Variants in CNPY1 observed in about 807,000 individuals in gnomAD.
The protein encoded by CNPY1 is protein canopy homolog 1.
CNPY1 carries 14 observed loss-of-function variants against 14.4 expected under a neutral mutation model. That is an observed-to-expected ratio of 0.97 (90% CI 0.64 to 1.52). The LOEUF (loss-of-function observed/expected upper bound fraction) is 1.52. CNPY1 is among the 40% of genes most tolerant of loss of function. The pLI is 0.00. For missense variants in CNPY1, 129 were observed against 131.5 expected, an observed-to-expected ratio of 0.98 and a Z score of 0.09; for synonymous variants, 43 against 46.5, an observed-to-expected ratio of 0.92 and a Z score of 0.31.
In CNPY1 at chr7:155,501,228, C is replaced by G. The variant is rs1487189535; in HGVS notation, c.*1840G>C. ...AGATAGTCACTGTAAGTCAAGGTTC[C>G]TCGCCCTCTCCATTCAAAGCAAAGC... On this transcript the variant is annotated 3_prime_UTR_variant, in exon 5 of 5. Transcript: ENST00000636446. 1 of 152,128 alleles carries G rather than the reference C, an allele frequency of 6.6e-6. No individual in the cohort carries two copies. The highest frequency in any genetic ancestry group is 1.5e-5 in the Non-Finnish European group (1 of 68,016). 9.4% of individuals were successfully genotyped at this position (152,128 alleles called of 1,614,324 possible). A position where few individuals can be genotyped will look rare whatever the true frequency, so the allele number is the denominator to read the frequency against.
At chr7:155,537,398 G>A (rs1797035881) in intron 2 of CNPY1, among the ~76,000 whole-genome samples, 2 of 151,794 alleles carry the variant, frequency 1.3e-5, no homozygotes, top group South Asian at 4.2e-4. Flanking sequence ...CCACATCACA[G>A]CTTTCTGTGG....
chr7:155,506,793 A>G (rs1386927258), intron 4 of CNPY1: 1 of 499,150 alleles, frequency 2.0e-6, no homozygotes, highest in Non-Finnish European at 3.5e-6. Context: ...CACTTAATAT[A>G]TAGAGGAAAG....
chr7:155,536,061 T>A lies in CNPY1; in HGVS notation c.99+9770A>T, dbSNP rs568786855. 5.1e-4 allele frequency among the ~76,000 whole-genome samples: 77 copies of A among 152,308 alleles called. No individual in the cohort carries two copies. Among genetic ancestry groups the A allele is most frequent in the African/African-American group, 1.8e-3 (74 of 41,584 alleles). ...TGGTGCAAGGTTTGGCTGTAGGTAG[T>A]AAACCCTCCGGGATGATATTCTGGG... On this transcript the variant is annotated intron_variant, in intron 2 of 4. Transcript: ENST00000636446. The surrounding 1 kb of genome is among the most constrained non-coding windows in gnomAD (Gnocchi z 4.1).
chr7:155,515,315 G>A (rs1425843669), intron 2 of CNPY1, among the ~76,000 whole-genome samples: 1 of 100,366 alleles, frequency 1.0e-5, no homozygotes, highest in Non-Finnish European at 2.1e-5. Flanking sequence ...CCCCGGCCCC[G>A]GCCAGGAACT....
intron 2 of CNPY1, among the ~76,000 whole-genome samples, chr7:155,539,375 T>G (rs1166834728): frequency 6.6e-6 from 1 of 152,222 alleles, no homozygotes; most frequent in Non-Finnish European, 1.5e-5. Context: ...TACTCTGATA[T>G]TTAATATATA....
At chr7:155,506,687 C>CCT (rs113821181) in intron 4 of CNPY1, 39,820 of 239,130 alleles carry the variant, frequency 0.17, 4,291 homozygotes, top group African/African-American at 0.34. Flanking sequence ...ATGGAAAAAT[C>CCT]CTCTCTCTCA....
chr7:155,527,306 G>A (rs1162568806), intron 2 of CNPY1, among the ~76,000 whole-genome samples: 4 of 151,806 alleles, frequency 2.6e-5, no homozygotes, highest in African/African-American at 9.7e-5. Flanking sequence ...TGGTGTCTGA[G>A]CGACTGCAGT....
intron 2 of CNPY1, among the ~76,000 whole-genome samples, chr7:155,535,054 G>A (rs1797007595): frequency 6.6e-6 from 1 of 152,210 alleles, no homozygotes; most frequent in Non-Finnish European, 1.5e-5. Flanking sequence ...GTGTTCAGCA[G>A]AAAAGGCAGC....
At chr7:155,529,441 G>T (rs1796896491) in intron 2 of CNPY1, among the ~76,000 whole-genome samples, 1 of 152,134 alleles carries the variant, frequency 6.6e-6, no homozygotes, top group Non-Finnish European at 1.5e-5. Context: ...TCACAGCTCT[G>T]GAGACCAGGA....
At chr7:155,527,054 C>CTTTCTTTCTTTCTTTTTTTTTTT (rs56296833) in intron 2 of CNPY1, among the ~76,000 whole-genome samples, 3 of 90,344 alleles carry the variant, frequency 3.3e-5, no homozygotes, top group South Asian at 4.3e-4. Flanking sequence ...TTCTTTCTTT[C>CTTTCTTTCTTTCTTTTTTTTTTT]TTTTTTTTTT....
chr7:155,512,091 A>G (rs967105423), intron 2 of CNPY1, among the ~76,000 whole-genome samples: 3 of 152,298 alleles, frequency 2.0e-5, no homozygotes, highest in African/African-American at 4.8e-5. Flanking sequence ...AAGATTTTGA[A>G]TAGTACTTGT....
chr7:155,542,127 A>AC (rs763651656), intron 2 of CNPY1, among the ~76,000 whole-genome samples: 7 of 151,258 alleles, frequency 4.6e-5, no homozygotes, highest in Non-Finnish European at 7.4e-5. Flanking sequence ...AGTATTCACA[A>AC]CCCCTGCTGT....
chr7:155,507,497 A>G (rs1009226711), intron 3 of CNPY1, among the ~76,000 whole-genome samples: 11 of 147,396 alleles, frequency 7.5e-5, no homozygotes, highest in East Asian at 2.0e-4. Flanking sequence ...AAAAAAAAAA[A>G]AAGAAGACCA....
In CNPY1 at chr7:155,522,106, C is replaced by A. The variant is rs75614717; in HGVS notation, c.100-13009G>T. Among the ~76,000 whole-genome samples, 1,313 of 152,388 alleles carry A rather than the reference C, an allele frequency of 8.6e-3. 25 individuals carry two copies. The highest frequency in any genetic ancestry group is 0.03 in the African/African-American group (1,259 of 41,592). ...ATCCACACACACAGCTGCGGCACCA[C>A]GTGGAGAGTCGGGCTGTGCTCACCC... is the stretch of plus-strand genomic sequence containing the variant. On this transcript the variant is annotated intron_variant, in intron 2 of 4. Coordinates refer to ENST00000636446, the MANE Select transcript of CNPY1 (RefSeq NM_001393663.1).
chr7:155,509,095 G>A lies in CNPY1; in HGVS notation c.102C>T (p.Ile34=), dbSNP rs893879922. The A allele has an allele frequency of 1.9e-6, 3 of 1,538,776 alleles. No homozygotes were observed. The highest frequency in any genetic ancestry group is 1.7e-4 in the Middle Eastern group (1 of 5,786). Reference sequence around the variant, plus strand: ...GGAACGCCTCCGACTGAGCTAGGGGGATCTAAGAAGAAAGACAGGGCGAGG... The same window carrying A: ...GGAACGCCTCCGACTGAGCTAGGGGAATCTAAGAAGAAAGACAGGGCGAGG... The part of the protein sequence containing the change: ...NPDGTQERRK[I]PLAQSEAFLT... Residue 34 remains isoleucine (I), a splice_region_variant and synonymous_variant, in exon 3 of 5, where the codon ATC becomes ATT. Coordinates refer to ENST00000636446, the MANE Select transcript of CNPY1 (RefSeq NM_001393663.1).
At chr7:155,518,991 T>C (rs1796670243) in intron 2 of CNPY1, among the ~76,000 whole-genome samples, 1 of 152,204 alleles carries the variant, frequency 6.6e-6, no homozygotes, top group Non-Finnish European at 1.5e-5. Flanking sequence ...TTTCAATGCT[T>C]AACACACCGC....
At chr7:155,510,595 C>T (rs1215128253) in intron 2 of CNPY1, 1 of 152,144 alleles carries the variant, frequency 6.6e-6, no homozygotes, top group Non-Finnish European at 1.5e-5. Flanking sequence ...ATAGAATATA[C>T]CACCACACGT....
chr7:155,506,947 C>A (rs1435893992), intron 4 of CNPY1, 73 bp downstream of exon 4: 1 of 1,004,038 alleles, frequency 1.0e-6, no homozygotes, highest in African/African-American at 1.6e-5. Context: ...GGTCTGCAAA[C>A]AAGACGCTGC....
intron 2 of CNPY1, among the ~76,000 whole-genome samples, chr7:155,544,741 T>C (rs1452696991): frequency 1.3e-5 from 2 of 152,164 alleles, no homozygotes; most frequent in Non-Finnish European, 2.9e-5. Context: ...GAGCAGCCAG[T>C]GGGCCTGCAC....
Sources: allele counts gnomAD v4.1 joint callset (sites outside exome capture counted in the v4.1 genomes callset), GRCh38; gene constraint gnomAD v4.1.1; non-coding constraint Gnocchi (gnomAD v3.1); transcripts MANE v1.5; gene names NCBI Gene and HGNC (gene_info 2026-07-23, HGNC 2026-07-21).